PRKAG2: variants seen among roughly 807,000 people sequenced by gnomAD.
The protein encoded by PRKAG2 is protein kinase AMP-activated non-catalytic subunit gamma 2.
A neutral mutation model predicts 69.6 loss-of-function variants in PRKAG2; 26 were observed. That is an observed-to-expected ratio of 0.37 (90% CI 0.27 to 0.52). PRKAG2 has a LOEUF of 0.52. Among genes scored for constraint, PRKAG2 ranks in the 20% least tolerant of loss-of-function variants. The pLI is 0.90. For missense variants in PRKAG2, 557 were observed against 740.0 expected (o/e 0.75, Z 2.87); for synonymous variants, 293 against 285.0 (o/e 1.03, Z -0.28).
rs2151260586 is a variant in PRKAG2, at chr7:151,618,656, T to C, written c.754+13413A>G. Reference sequence around the variant, plus strand: ...GGTGGGCACCTGTAATCCCAGCTACTTGGGAGGCTGAGGCAGGAGAATTGC... The same window carrying C: ...GGTGGGCACCTGTAATCCCAGCTACCTGGGAGGCTGAGGCAGGAGAATTGC... On this transcript the variant is annotated intron_variant, in intron 5 of 15. Coordinates refer to ENST00000287878, the MANE Select transcript of PRKAG2 (RefSeq NM_016203.4). Among the ~76,000 whole-genome samples, 2 of 152,074 alleles carry C rather than the reference T, an allele frequency of 1.3e-5. 1 individual carries two copies. The highest frequency in any genetic ancestry group is 6.8e-3 in the Middle Eastern group (2 of 294).
At chr7:151,607,446 A>ATTT (rs111970706) in intron 5 of PRKAG2, among the ~76,000 whole-genome samples, 37 of 146,120 alleles carry the variant, frequency 2.5e-4, no homozygotes, top group African/African-American at 9.0e-4. Context: ...TTTATTCTGT[A>ATTT]TTTTTTTTTT....
At chr7:151,707,582 C>T (rs997240142) in intron 3 of PRKAG2, among the ~76,000 whole-genome samples, 1 of 152,172 alleles carries the variant, frequency 6.6e-6, no homozygotes, top group Non-Finnish European at 1.5e-5. Context: ...CCATCACCCG[C>T]TCTCCTCTCT....
chr7:151,821,053 G>GTAGAAGAGAGAGCCTCCAAC (rs1216334379), intron 1 of PRKAG2, among the ~76,000 whole-genome samples: 14 of 151,882 alleles, frequency 9.2e-5, no homozygotes, highest in Non-Finnish European at 1.3e-4. Flanking sequence ...CAGAAGGAAA[G>GTAGAAGAGAGAGCCTCCAAC]CTGTGGAGAC....
At chr7:151,595,093 T>C (rs910461228) in intron 6 of PRKAG2, among the ~76,000 whole-genome samples, 3 of 152,208 alleles carry the variant, frequency 2.0e-5, no homozygotes, top group African/African-American at 7.2e-5. Flanking sequence ...CCACTGCACC[T>C]GGCCAAAGCT....
intron 7 of PRKAG2, 102 bp from the exon 8 acceptor site, chr7:151,575,051 A>C: frequency 6.8e-7 from 1 of 1,469,994 alleles, no homozygotes. Flanking sequence ...AGCTTATAAA[A>C]TATACTTCGA....
chr7:151,598,012 T>C (rs915207153), intron 5 of PRKAG2, among the ~76,000 whole-genome samples: 2 of 152,166 alleles, frequency 1.3e-5, no homozygotes, highest in African/African-American at 2.4e-5. Context: ...TGCACTGCCA[T>C]GTTGAGTGCA....
chr7:151,759,230 G>A (rs1178351451), intron 3 of PRKAG2, among the ~76,000 whole-genome samples: 1 of 152,146 alleles, frequency 6.6e-6, no homozygotes, highest in Non-Finnish European at 1.5e-5. Context: ...TCCGCCAGGC[G>A]TGCCATGGCC....
At chr7:151,862,643 T>C (rs2079960268) in intron 1 of PRKAG2, among the ~76,000 whole-genome samples, 1 of 152,212 alleles carries the variant, frequency 6.6e-6, no homozygotes, top group South Asian at 2.1e-4. Context: ...AAGGAGCTTA[T>C]GGTTTAATTA....
chr7:151,569,551 C>T (rs974196263), intron 10 of PRKAG2, among the ~76,000 whole-genome samples: 9 of 152,210 alleles, frequency 5.9e-5, no homozygotes, highest in Admixed American at 1.3e-4. Context: ...CTACTTGGTC[C>T]CTCTCCTGGG....
chr7:151,605,936 C>CAAAAAAAAAA (rs560080587), intron 5 of PRKAG2, among the ~76,000 whole-genome samples: 35 of 91,036 alleles, frequency 3.8e-4, no homozygotes, highest in African/African-American at 1.2e-3. Context: ...GACTCCGTCT[C>CAAAAAAAAAA]AAAAAAAAAA....
intron 14 of PRKAG2, among the ~76,000 whole-genome samples, chr7:151,562,243 TCAAAAAAAA>T (rs1805191980): frequency 9.5e-5 from 3 of 31,688 alleles, no homozygotes; most frequent in Admixed American, 1.1e-3. Flanking sequence ...AGACTTTGTC[TCAAAAAAAA>T]AAAAAAAAAA....
intron 1 of PRKAG2, among the ~76,000 whole-genome samples, chr7:151,811,075 G>A (rs1168579046): frequency 6.6e-6 from 1 of 152,106 alleles, no homozygotes; most frequent in Non-Finnish European, 1.5e-5. Flanking sequence ...ACAAAGGAAC[G>A]ACAGGGACCC....
Position 151,807,704 on chromosome 7 carries a change from C to A in PRKAG2, c.115-21163G>T. On this transcript the variant is annotated intron_variant, in intron 1 of 15. Coordinates refer to ENST00000287878, the MANE Select transcript of PRKAG2 (RefSeq NM_016203.4). This position sits in a 1 kb window ranked among gnomAD's most constrained non-coding sequence, Gnocchi z 4.4. ...TTCCACTGCCTATTCCCGGGCCCCTCACTTGGGTCAAGGCAGCATTTCAGA... is the reference window on the plus strand; with the variant it reads ...TTCCACTGCCTATTCCCGGGCCCCTAACTTGGGTCAAGGCAGCATTTCAGA... The A allele has an allele frequency of 2.3e-6, 1 of 425,950 alleles. No homozygotes were observed. The highest frequency in any genetic ancestry group is 4.8e-6 in the Non-Finnish European group (1 of 208,016). 26.4% of individuals were successfully genotyped at this position (425,950 alleles called of 1,614,324 possible).
chr7:151,804,777 T>C (rs78751861), intron 1 of PRKAG2, among the ~76,000 whole-genome samples: 4,247 of 152,266 alleles, frequency 0.028, 203 homozygotes, highest in African/African-American at 0.097. Context: ...GGTGGCATCC[T>C]GTGGAACTGC....
chr7:151,558,965 G>A, intron 15 of PRKAG2: 1 of 985,452 alleles, frequency 1.0e-6, no homozygotes, highest in Non-Finnish European at 1.2e-6. Flanking sequence ...ACAGACAAGA[G>A]CTGACATTCA....
At chr7:151,724,497 C>A (rs1215205882) in intron 3 of PRKAG2, among the ~76,000 whole-genome samples, 1 of 152,156 alleles carries the variant, frequency 6.6e-6, no homozygotes, top group East Asian at 1.9e-4. Flanking sequence ...TTCCCACAGG[C>A]CATGCTGCTC....
chr7:151,640,723 T>G lies in PRKAG2; in HGVS notation c.685-8585A>C, dbSNP rs559512742. On this transcript the variant is annotated intron_variant, in intron 4 of 15. Coordinates refer to ENST00000287878, the MANE Select transcript of PRKAG2 (RefSeq NM_016203.4). Reference sequence around the variant, plus strand: ...TTTTCTCACAACTTGCCTGGTTAATTACTTCTCTGAACCCACATGCTTCCA... The same window carrying G: ...TTTTCTCACAACTTGCCTGGTTAATGACTTCTCTGAACCCACATGCTTCCA... 2.0e-5 allele frequency among the ~76,000 whole-genome samples: 3 copies of G among 152,312 alleles called. No individual in the cohort carries two copies. In the South Asian group the frequency reaches 6.2e-4, roughly 32 times the overall value.
chr7:151,830,703 G>A (rs549323634), intron 1 of PRKAG2, among the ~76,000 whole-genome samples: 25 of 151,108 alleles, frequency 1.7e-4, no homozygotes, highest in East Asian at 7.8e-4. Context: ...GGCCTCCTGC[G>A]GGATGGTGGA....
At chr7:151,875,114 A>G (rs1251190582) in intron 1 of PRKAG2, among the ~76,000 whole-genome samples, 1 of 152,320 alleles carries the variant, frequency 6.6e-6, no homozygotes, top group Non-Finnish European at 1.5e-5. Flanking sequence ...TGTAAACAAG[A>G]ATGTTTCATT....
Sources: gnomAD v4.1 joint callset for allele counts (sites outside exome capture counted in the v4.1 genomes callset) on GRCh38, gnomAD v4.1.1 for gene constraint, Gnocchi (gnomAD v3.1) non-coding constraint, MANE v1.5 for transcripts, NCBI Gene and HGNC (gene_info 2026-07-23, HGNC 2026-07-21) for gene names.